Variants in GPATCH8 observed in about 807,000 individuals in gnomAD.
GPATCH8 encodes the protein G patch domain-containing protein 8.
A neutral mutation model predicts 118.3 loss-of-function variants in GPATCH8; 18 were observed. That is an observed-to-expected ratio of 0.15 (90% CI 0.11 to 0.23). The LOEUF is 0.23. Ranked by LOEUF, GPATCH8 falls within the 10% of genes least tolerant of loss-of-function variation. The pLI, the probability that GPATCH8 is intolerant of heterozygous loss-of-function variation, is 1.00. For missense variants in GPATCH8, 1,631 were observed against 1,873.8 expected, an observed-to-expected ratio of 0.87 and a Z score of 2.39; for synonymous variants, 659 against 684.7, an observed-to-expected ratio of 0.96 and a Z score of 0.59.
At chr17:44,442,816 G>A (rs990238258) in intron 3 of GPATCH8, among the ~76,000 whole-genome samples, 2 of 152,026 alleles carry the variant, frequency 1.3e-5, no homozygotes, top group Non-Finnish European at 2.9e-5. Context: ...GGTGGCTCAC[G>A]CCTGTAATCC....
At chr17:44,472,157 A>G (rs1298640101) in intron 2 of GPATCH8, among the ~76,000 whole-genome samples, 1 of 152,132 alleles carries the variant, frequency 6.6e-6, no homozygotes, top group Non-Finnish European at 1.5e-5. Context: ...GTAATTACTA[A>G]TATACATTTC....
At chr17:44,417,461 T>A (rs2049728807) in intron 6 of GPATCH8, among the ~76,000 whole-genome samples, 1 of 152,162 alleles carries the variant, frequency 6.6e-6, no homozygotes, top group Admixed American at 6.6e-5. Context: ...TCAAGTGATC[T>A]GCCCGCCTGA....
At chr17:44,498,829 T>C (rs1020036553) in intron 1 of GPATCH8, among the ~76,000 whole-genome samples, 4 of 152,206 alleles carry the variant, frequency 2.6e-5, no homozygotes, top group African/African-American at 9.6e-5. Context: ...ATACCTGAAT[T>C]ACAATGCCAA....
chr17:44,440,292 C>G (rs1203634056), intron 3 of GPATCH8, among the ~76,000 whole-genome samples: 1 of 152,110 alleles, frequency 6.6e-6, no homozygotes, highest in Non-Finnish European at 1.5e-5. Context: ...ACTTGGCCAA[C>G]TGGAGAAGGG....
At chr17:44,478,876 C>CTGTT (rs1340844956) in intron 1 of GPATCH8, among the ~76,000 whole-genome samples, 16 of 151,518 alleles carry the variant, frequency 1.1e-4, no homozygotes, top group Admixed American at 9.9e-4. Flanking sequence ...GTAGCTAGGG[C>CTGTT]AACAGGCATA....
At chr17:44,471,132 C>A (rs1967247093) in intron 2 of GPATCH8, among the ~76,000 whole-genome samples, 2 of 152,106 alleles carry the variant, frequency 1.3e-5, no homozygotes, top group Non-Finnish European at 2.9e-5. Flanking sequence ...ATATTTCATT[C>A]TTGAGGAAAA....
chr17:44,447,991 T>A (rs2050950460), intron 3 of GPATCH8, among the ~76,000 whole-genome samples: 1 of 152,190 alleles, frequency 6.6e-6, no homozygotes, highest in Non-Finnish European at 1.5e-5. Flanking sequence ...TTGCCCCAGC[T>A]GGAGTACAGT....
At chr17:44,425,429 T>C (rs907575048) in intron 5 of GPATCH8, among the ~76,000 whole-genome samples, 1 of 152,226 alleles carries the variant, frequency 6.6e-6, no homozygotes, top group Non-Finnish European at 1.5e-5. Flanking sequence ...TGAACTAATT[T>C]GGACAGACTT....
rs2049602484 is a variant in GPATCH8 at position 44,414,477 on chromosome 17, T to A, written c.493-8426A>T. ...TGCACTCCATCATGCCCTGCTAATT[T>A]ATTTTTATGTTTGTAGAGACAGGAT... On this transcript the variant is annotated intron_variant, in intron 6 of 7. Transcript: ENST00000591680. Among the ~76,000 whole-genome samples, 4 of 152,220 alleles carry A rather than the reference T, an allele frequency of 2.6e-5. No individual in the cohort carries two copies. In the South Asian group the frequency reaches 8.3e-4, roughly 32 times the overall value.
intron 1 of GPATCH8, among the ~76,000 whole-genome samples, chr17:44,500,449 T>C (rs1275384605): frequency 6.6e-6 from 1 of 152,222 alleles, no homozygotes; most frequent in Non-Finnish European, 1.5e-5. Flanking sequence ...AATCTCTATA[T>C]ACATGAGTGC....
intron 3 of GPATCH8, among the ~76,000 whole-genome samples, chr17:44,448,527 AG>A: frequency 8.9e-6 from 1 of 111,946 alleles, no homozygotes; most frequent in African/African-American, 3.2e-5. Context: ...AGAAGGAGGA[AG>A]AAGAAGAAGG....
chr17:44,487,028 T>A (rs35250455), intron 1 of GPATCH8, among the ~76,000 whole-genome samples: 1 of 152,326 alleles, frequency 6.6e-6, no homozygotes, highest in African/African-American at 2.4e-5. Context: ...AAGTCCATAG[T>A]ACATTAAGAT....
At position 44,488,244 on chromosome 17, in the gene GPATCH8, T is replaced by A. The variant is rs1190370869; in HGVS notation, c.46-13341A>T. 2.8e-4 allele frequency among the ~76,000 whole-genome samples: 41 copies of A among 145,170 alleles called. No homozygotes were observed. In the East Asian group the frequency reaches 6.3e-3, roughly 22 times the overall value. On this transcript the variant is annotated intron_variant, in intron 1 of 7. Transcript: ENST00000591680. ...GACCCTTTTTTTTTTTTTTTTTTTT[T>A]AAGACAGAGTCTCACTCTGTCGCCC...
intron 3 of GPATCH8, among the ~76,000 whole-genome samples, chr17:44,446,925 C>T (rs888811332): frequency 6.6e-6 from 1 of 152,006 alleles, no homozygotes; most frequent in Non-Finnish European, 1.5e-5. Flanking sequence ...ACCTCCGCCT[C>T]GCAGGTTCAA....
chr17:44,416,026 G>A (rs974091401), intron 6 of GPATCH8, among the ~76,000 whole-genome samples: 9 of 152,166 alleles, frequency 5.9e-5, no homozygotes, highest in African/African-American at 1.7e-4. Context: ...TTTTTGAGAC[G>A]GAGTCTCACT....
intron 6 of GPATCH8, among the ~76,000 whole-genome samples, chr17:44,412,641 C>G (rs1449330459): frequency 6.6e-6 from 1 of 152,150 alleles, no homozygotes; most frequent in Non-Finnish European, 1.5e-5. Flanking sequence ...GCCTCTGCCT[C>G]CCAAAGTGCT....
At chr17:44,431,378 GAAAAAAAAAAA>G (rs776468380) in intron 5 of GPATCH8, among the ~76,000 whole-genome samples, 1 of 47,794 alleles carries the variant, frequency 2.1e-5, no homozygotes, top group East Asian at 5.6e-4. Context: ...TCTCAAAAAG[GAAAAAAAAAAA>G]AAAAAAAAAA....
chr17:44,498,824 T>C (rs1009954032), intron 1 of GPATCH8, among the ~76,000 whole-genome samples: 2 of 152,218 alleles, frequency 1.3e-5, no homozygotes, highest in African/African-American at 2.4e-5. Context: ...CTGGCATACC[T>C]GAATTACAAT....
chr17:44,464,802 T>C (rs2051695089), intron 2 of GPATCH8: 1 of 455,308 alleles, frequency 2.2e-6, no homozygotes, highest in Non-Finnish European at 4.0e-6. Flanking sequence ...TATATAACAT[T>C]TTTAAATGGA....
Sources: allele counts gnomAD v4.1 joint callset (sites outside exome capture counted in the v4.1 genomes callset), GRCh38; gene constraint gnomAD v4.1.1; transcripts MANE v1.5; gene names NCBI Gene and HGNC (gene_info 2026-07-23, HGNC 2026-07-21).